Variants in NEBL observed in about 807,000 individuals in gnomAD.
The protein encoded by NEBL is nebulette.
Under a neutral mutation model 140.2 loss-of-function variants are expected in NEBL, and 122 were observed. That is an observed-to-expected ratio of 0.87 (90% CI 0.75 to 1.01). The LOEUF (loss-of-function observed/expected upper bound fraction) is 1.01. Among genes scored for constraint, NEBL ranks in the 50% least tolerant of loss-of-function variants. The probability of loss-of-function intolerance (pLI) is 0.00; values close to 1 mark genes in which losing one functional copy is unlikely to be tolerated. For synonymous variants in NEBL, 436 were observed against 398.9 expected (o/e 1.09, Z -1.11); for missense variants, 1,365 against 1,231.3 (o/e 1.11, Z -1.62).
At chr10:21,161,138 G>A (rs1449293164) in intron 2 of NEBL, among the ~76,000 whole-genome samples, 3 of 152,066 alleles carry the variant, frequency 2.0e-5, no homozygotes, top group African/African-American at 4.8e-5. Flanking sequence ...ATCTAGGATC[G>A]CCACACAGAT....
chr10:21,183,976 TCACCTTC>T (rs931182574), intron 3 of NEBL, among the ~76,000 whole-genome samples: 11 of 152,172 alleles, frequency 7.2e-5, no homozygotes, highest in Admixed American at 2.6e-4. Flanking sequence ...GACCTGCCTT[TCACCTTC>T]CACCTTCCAC....
intron 4 of NEBL, among the ~76,000 whole-genome samples, chr10:20,919,921 T>C (rs12354449): frequency 0.48 from 72,960 of 151,886 alleles, 18,713 homozygotes; most frequent in Non-Finnish European, 0.57. Flanking sequence ...GGAAATTGCA[T>C]CATGAAGGGC....
At chr10:21,019,981 C>G in intron 3 of NEBL, 4 of 774,520 alleles carry the variant, frequency 5.2e-6, no homozygotes, top group Non-Finnish European at 2.3e-6. Context: ...ACCCGGAATT[C>G]CCACACAGGC....
Position 21,173,731 on chromosome 10 carries a change from C to G in NEBL, c.69+34G>C, listed in dbSNP as rs756354744. 46 of 1,611,582 alleles carry G rather than the reference C, an allele frequency of 2.9e-5. No homozygotes were observed. Among genetic ancestry groups the G allele is most frequent in the Non-Finnish European group, 3.8e-5 (45 of 1,179,618 alleles). Reference sequence around the variant, plus strand: ...GAAGCAGGTGCAGCCCCTCGCCCGGCAGGTCCAGGCTGGCCCGGCGCCCCC... The same window carrying G: ...GAAGCAGGTGCAGCCCCTCGCCCGGGAGGTCCAGGCTGGCCCGGCGCCCCC... On this transcript the variant is annotated intron_variant, in intron 1 of 6. Transcript: ENST00000417816. The surrounding 1 kb of genome is among the most constrained non-coding windows in gnomAD (Gnocchi z 5.7).
upstream of NEBL, among the ~76,000 whole-genome samples, chr10:21,178,001 AC>A (rs1428109240): frequency 1.3e-5 from 2 of 152,188 alleles, no homozygotes. Flanking sequence ...ACTCAAATTC[AC>A]CGTGGAGGAA....
At chr10:20,952,904 C>CAAAAAAAAA (rs34713711) in intron 4 of NEBL, among the ~76,000 whole-genome samples, 8 of 62,222 alleles carry the variant, frequency 1.3e-4, no homozygotes, top group Middle Eastern at 0.011. Flanking sequence ...GACCCTGTCT[C>CAAAAAAAAA]AAAAAAAAAA....
At chr10:21,153,620 G>A (rs751965581) in intron 2 of NEBL, among the ~76,000 whole-genome samples, 3 of 152,104 alleles carry the variant, frequency 2.0e-5, no homozygotes, top group Non-Finnish European at 4.4e-5. Context: ...CCTCCACCCC[G>A]AGGGTTCAAG....
chr10:21,202,158 AG>A (rs1328800650), intron 3 of NEBL, among the ~76,000 whole-genome samples: 1 of 152,154 alleles, frequency 6.6e-6, no homozygotes, highest in African/African-American at 2.4e-5. Context: ...CACCCCACAA[AG>A]TTAGGTGGGG....
At chr10:20,832,223 C>G (rs1840483413) in intron 14 of NEBL, among the ~76,000 whole-genome samples, 1 of 152,196 alleles carries the variant, frequency 6.6e-6, no homozygotes, top group East Asian at 1.9e-4. Context: ...ATCATTATAC[C>G]CCATCACCCA....
chr10:21,205,703 G>A (rs1226129016), intron 3 of NEBL, among the ~76,000 whole-genome samples: 2 of 151,988 alleles, frequency 1.3e-5, no homozygotes, highest in African/African-American at 4.8e-5. Flanking sequence ...GAACAAAGGT[G>A]ATTTTTATTT....
intron 3 of NEBL, among the ~76,000 whole-genome samples, chr10:21,218,863 G>A (rs1419413603): frequency 1.3e-5 from 2 of 152,168 alleles, no homozygotes; most frequent in Non-Finnish European, 2.9e-5. Flanking sequence ...GGAGATAAGG[G>A]TTATTTTCGT....
At chr10:21,045,956 C>T (rs889070525) in intron 2 of NEBL, among the ~76,000 whole-genome samples, 1 of 152,030 alleles carries the variant, frequency 6.6e-6, no homozygotes. Context: ...AGATAAGACA[C>T]GGAATGAATC....
chr10:20,912,909 G>GTC (rs1848390388), intron 4 of NEBL, among the ~76,000 whole-genome samples: 1 of 135,208 alleles, frequency 7.4e-6, no homozygotes, highest in South Asian at 2.3e-4. Flanking sequence ...TTTAGACAGA[G>GTC]TCTCTCTCTG....
At chr10:21,177,055 A>C (rs1841312010), upstream of NEBL, among the ~76,000 whole-genome samples, 1 of 152,052 alleles carries the variant, frequency 6.6e-6, no homozygotes. Context: ...ATTTGTTCAC[A>C]ATTTTTTTTT....
intron 3 of NEBL, among the ~76,000 whole-genome samples, chr10:20,984,859 C>T (rs533849311): frequency 3.0e-4 from 45 of 152,290 alleles, no homozygotes; most frequent in African/African-American, 9.1e-4. Context: ...CTCCCATTAT[C>T]GCCTGAGCTC....
At chr10:21,040,301 G>T (rs543494626) in intron 2 of NEBL, among the ~76,000 whole-genome samples, 1 of 152,008 alleles carries the variant, frequency 6.6e-6, no homozygotes, top group African/African-American at 2.4e-5. Flanking sequence ...AGGAGGTGGA[G>T]GTTGCTCCAG....
chr10:20,813,855 G>A (rs1410256425), intron 23 of NEBL, 84 bp downstream of exon 23: 27 of 899,894 alleles, frequency 3.0e-5, no homozygotes, highest in Admixed American at 5.4e-5. Context: ...GTTAGTTATC[G>A]GATTAATAGT....
intron 3 of NEBL, among the ~76,000 whole-genome samples, chr10:21,234,453 G>C (rs959693442): frequency 6.6e-6 from 1 of 152,102 alleles, no homozygotes; most frequent in African/African-American, 2.4e-5. Context: ...ATGGGTAAAA[G>C]CTCCCTGTGG....
In NEBL at chr10:20,869,854, A is replaced by C; in HGVS notation, c.481-13T>G. The C allele has an allele frequency of 6.6e-7, 1 of 1,525,736 alleles. No homozygotes were observed. The highest frequency in any genetic ancestry group is 9.1e-7 in the Non-Finnish European group (1 of 1,099,734). The allele number at this position is 1,525,736 out of a possible 1,614,324, so 94.5% of individuals were successfully genotyped here. ...TCCTATAAGAAATCTGATCAGAGAC[A>C]GTTTTGGTTAAAAAATAAATAAATT... is the stretch of plus-strand genomic sequence containing the variant. On this transcript the variant is annotated splice_polypyrimidine_tract_variant and intron_variant, in intron 5 of 27. Transcript: ENST00000377122.
Sources: gnomAD v4.1 joint callset for allele counts (sites outside exome capture counted in the v4.1 genomes callset) on GRCh38, gnomAD v4.1.1 for gene constraint, Gnocchi (gnomAD v3.1) non-coding constraint, MANE v1.5 for transcripts, NCBI Gene and HGNC (gene_info 2026-07-23, HGNC 2026-07-21) for gene names.